COL24A1: variants seen among roughly 807,000 people sequenced by gnomAD.
The protein encoded by COL24A1 is collagen type XXIV alpha 1 chain.
A neutral mutation model predicts 253.9 loss-of-function variants in COL24A1; 224 were observed. That is an observed-to-expected ratio of 0.88 (90% CI 0.79 to 0.99). The LOEUF is 0.99. COL24A1 is among the 50% of genes least tolerant of loss of function. The probability of loss-of-function intolerance (pLI) is 0.00; values close to 1 mark genes in which losing one functional copy is unlikely to be tolerated. For synonymous variants in COL24A1, 685 were observed against 673.7 expected, an observed-to-expected ratio of 1.02 and a Z score of -0.26; for missense variants, 2,131 against 2,068.5, an observed-to-expected ratio of 1.03 and a Z score of -0.59.
intron 32 of COL24A1, among the ~76,000 whole-genome samples, chr1:85,878,923 C>T (rs1447724540): frequency 1.3e-5 from 2 of 152,032 alleles, no homozygotes; most frequent in African/African-American, 4.8e-5. Context: ...AACATTTTAA[C>T]TGGTTTTTAA....
At chr1:86,021,963 T>C (rs1400063203) in intron 18 of COL24A1, among the ~76,000 whole-genome samples, 1 of 152,192 alleles carries the variant, frequency 6.6e-6, no homozygotes, top group Non-Finnish European at 1.5e-5. Flanking sequence ...CCTATTGTTT[T>C]AATTTAAATA....
In COL24A1 at chr1:85,876,333, T is replaced by C. The variant is rs76271336; in HGVS notation, c.3030+789A>G. On this transcript the variant is annotated intron_variant, in intron 33 of 59. Coordinates refer to ENST00000370571, the MANE Select transcript of COL24A1 (RefSeq NM_152890.7). ...AGAAGAAGGAGTCTAGGATGACTCT[T>C]AGTTTTGGGTTATTGGGTATAAGGG... is the stretch of plus-strand genomic sequence containing the variant. 4.6e-3 allele frequency among the ~76,000 whole-genome samples: 704 copies of C among 152,230 alleles called. 7 individuals are homozygous for C. Among genetic ancestry groups the C allele is most frequent in the African/African-American group, 0.016 (678 of 41,534 alleles).
At chr1:86,062,284 A>C (rs1173450568) in intron 8 of COL24A1, among the ~76,000 whole-genome samples, 2 of 152,128 alleles carry the variant, frequency 1.3e-5, no homozygotes, top group Non-Finnish European at 2.9e-5. Flanking sequence ...ACAAATTTTC[A>C]AGACAAATGT....
At chr1:86,138,465 G>C (rs544255039) in intron 2 of COL24A1, among the ~76,000 whole-genome samples, 11 of 152,226 alleles carry the variant, frequency 7.2e-5, no homozygotes, top group Middle Eastern at 6.8e-3. Flanking sequence ...GACCTGGTGG[G>C]AGGTGATTGA....
chr1:85,871,866 A>G (rs1239927876), intron 35 of COL24A1, among the ~76,000 whole-genome samples: 3 of 152,154 alleles, frequency 2.0e-5, no homozygotes, highest in Non-Finnish European at 4.4e-5. Context: ...GGCAGGAGAA[A>G]GAAATAAAGG....
chr1:85,862,902 TG>T (rs1351831736), intron 37 of COL24A1, among the ~76,000 whole-genome samples: 2 of 152,212 alleles, frequency 1.3e-5, no homozygotes, highest in African/African-American at 4.8e-5. Flanking sequence ...TAAATTACCT[TG>T]GGCAATATGG....
chr1:85,882,416 G>C (rs1226410423), intron 32 of COL24A1, among the ~76,000 whole-genome samples: 2 of 152,102 alleles, frequency 1.3e-5, no homozygotes, highest in Non-Finnish European at 2.9e-5. Flanking sequence ...AGTGAGCCGA[G>C]ATCGGCCACT....
chr1:85,773,406 G>T (rs1216344264), intron 53 of COL24A1, among the ~76,000 whole-genome samples: 3 of 152,178 alleles, frequency 2.0e-5, no homozygotes, highest in Non-Finnish European at 2.9e-5. Context: ...ATTCTGTGAA[G>T]TAAGTCATTG....
intron 19 of COL24A1, among the ~76,000 whole-genome samples, chr1:85,994,411 GAA>G (rs56146912): frequency 0.41 from 57,554 of 141,442 alleles, 11,460 homozygotes; most frequent in East Asian, 0.56. Flanking sequence ...AAGTTATCCT[GAA>G]AAAAAAAAAA....
chr1:85,932,959 G>T (rs1221708684), intron 24 of COL24A1, among the ~76,000 whole-genome samples: 6 of 118,934 alleles, frequency 5.0e-5, no homozygotes, highest in African/African-American at 1.6e-4. Flanking sequence ...AGGGGGGAGG[G>T]ATAGTATTGG....
chr1:85,742,790 T>C (rs1443757000), intron 57 of COL24A1, among the ~76,000 whole-genome samples: 4 of 152,186 alleles, frequency 2.6e-5, no homozygotes, highest in African/African-American at 9.7e-5. Flanking sequence ...TGGCTCTACC[T>C]TAACCCATTT....
At chr1:86,028,554 G>A (rs1698259522) in intron 14 of COL24A1, among the ~76,000 whole-genome samples, 1 of 152,168 alleles carries the variant, frequency 6.6e-6, no homozygotes, top group Admixed American at 6.6e-5. Flanking sequence ...ATGATTGTAA[G>A]TTTCCTGAGG....
intron 52 of COL24A1, among the ~76,000 whole-genome samples, chr1:85,775,983 C>G (rs1346755881): frequency 6.6e-6 from 1 of 152,070 alleles, no homozygotes; most frequent in Admixed American, 6.6e-5. Flanking sequence ...TCAATTAAGT[C>G]AAAACAGCTT....
At chr1:85,961,096 C>T (rs1454525852) in intron 24 of COL24A1, among the ~76,000 whole-genome samples, 153 bp downstream of exon 24, 1 of 151,758 alleles carries the variant, frequency 6.6e-6, no homozygotes, top group Non-Finnish European at 1.5e-5. Context: ...GTTTTATTTG[C>T]CAGCAGAAAC....
rs141132170 is a variant in COL24A1 at position 85,775,291 on chromosome 1, T to A, written c.4374+383A>T. On this transcript the variant is annotated intron_variant, in intron 53 of 59. Transcript: ENST00000370571. ...TTGCTGAGGAGTGTTTCACTTCCAA[T>A]TATGTGGTCAATTTTAGAATAAGTG... 1.3e-3 allele frequency among the ~76,000 whole-genome samples: 192 copies of A among 152,228 alleles called. 1 individual carries two copies. Among genetic ancestry groups the A allele is most frequent in the Middle Eastern group, 6.8e-3 (2 of 294 alleles).
chr1:85,917,416 G>C (rs1686000327), intron 24 of COL24A1, among the ~76,000 whole-genome samples: 1 of 151,894 alleles, frequency 6.6e-6, no homozygotes, highest in Non-Finnish European at 1.5e-5. Flanking sequence ...GACTTTTTCT[G>C]CTTAGTTCTT....
At chr1:85,953,652 C>T (rs1267330854) in intron 24 of COL24A1, among the ~76,000 whole-genome samples, 4 of 152,108 alleles carry the variant, frequency 2.6e-5, no homozygotes, top group Non-Finnish European at 5.9e-5. Context: ...ATAAAAATCA[C>T]AGTATCCTTC....
chr1:85,832,833 C>T (rs948238578), intron 43 of COL24A1, among the ~76,000 whole-genome samples: 64 of 150,584 alleles, frequency 4.3e-4, no homozygotes, highest in Non-Finnish European at 5.0e-4. Flanking sequence ...TGGGCCGAGA[C>T]AATGGGGTTT....
At chr1:85,800,033 T>C (rs1338618757) in intron 47 of COL24A1, among the ~76,000 whole-genome samples, 1 of 152,206 alleles carries the variant, frequency 6.6e-6, no homozygotes, top group African/African-American at 2.4e-5. Flanking sequence ...GAATCTGTTC[T>C]ATGGCTCAGA....
Sources: allele counts gnomAD v4.1 joint callset (sites outside exome capture counted in the v4.1 genomes callset), GRCh38; gene constraint gnomAD v4.1.1; transcripts MANE v1.5; gene names NCBI Gene and HGNC (gene_info 2026-07-23, HGNC 2026-07-21).